CLVS1: variants seen among roughly 807,000 people sequenced by gnomAD.
CLVS1 encodes the protein clavesin-1.
In CLVS1, 10 loss-of-function variants were observed where a neutral mutation model predicts 33.1. The observed-to-expected ratio is 0.30, with a 90% CI of 0.19 to 0.51. CLVS1 has a LOEUF of 0.51. Ranked by LOEUF, CLVS1 falls within the 20% of genes least tolerant of loss-of-function variation. The pLI is 0.97. For synonymous variants in CLVS1, 163 were observed against 166.1 expected (o/e 0.98, Z 0.14); for missense variants, 343 against 433.4 (o/e 0.79, Z 1.85).
intron 2 of CLVS1, among the ~76,000 whole-genome samples, chr8:61,306,212 C>T (rs749989946): frequency 3.9e-5 from 6 of 152,058 alleles, no homozygotes; most frequent in Non-Finnish European, 8.8e-5. Flanking sequence ...TATTTTTTGA[C>T]TTTAATAATA....
At chr8:61,080,131 G>T (rs1173347590) in intron 1 of CLVS1, among the ~76,000 whole-genome samples, 2 of 152,140 alleles carry the variant, frequency 1.3e-5, no homozygotes, top group Non-Finnish European at 2.9e-5. Flanking sequence ...TCTATTAACA[G>T]TAAGGACTTA....
intron 2 of CLVS1, among the ~76,000 whole-genome samples, chr8:61,277,702 T>A (rs1199138028): frequency 6.6e-6 from 1 of 152,172 alleles, no homozygotes; most frequent in East Asian, 1.9e-4. Flanking sequence ...AAGTCTCAAG[T>A]AAACTCATCC....
the CLVS1 span, among the ~76,000 whole-genome samples, chr8:61,021,263 G>T: frequency 1.3e-5 from 2 of 152,212 alleles, no homozygotes; most frequent in Non-Finnish European, 2.9e-5. Context: ...ATTCGGTGGG[G>T]TTTTCTCCTT....
At chr8:61,459,069 G>A (rs1817265735) in intron 5 of CLVS1, among the ~76,000 whole-genome samples, 1 of 152,142 alleles carries the variant, frequency 6.6e-6, no homozygotes, top group African/African-American at 2.4e-5. Flanking sequence ...CTGAGCTCTG[G>A]AGACCAGCAA....
At chr8:61,078,100 A>G (rs1279167723) in intron 1 of CLVS1, among the ~76,000 whole-genome samples, 1 of 152,176 alleles carries the variant, frequency 6.6e-6, no homozygotes, top group African/African-American at 2.4e-5. Context: ...TCCCTGGGTC[A>G]GGATCCGAGG....
chr8:61,362,980 C>A (rs1022767000), intron 2 of CLVS1, among the ~76,000 whole-genome samples: 3 of 152,172 alleles, frequency 2.0e-5, no homozygotes, highest in Non-Finnish European at 4.4e-5. Flanking sequence ...ACTAGGAAAG[C>A]GCTCCTTGTA....
intron 1 of CLVS1, among the ~76,000 whole-genome samples, chr8:61,073,586 C>A (rs1036506144): frequency 3.9e-5 from 6 of 151,998 alleles, no homozygotes; most frequent in Non-Finnish European, 5.9e-5. Flanking sequence ...TGGGCAGTAC[C>A]ATTTGCTTTG....
intron 2 of CLVS1, among the ~76,000 whole-genome samples, chr8:61,197,244 A>G (rs968471708): frequency 1.3e-5 from 2 of 152,100 alleles, no homozygotes; most frequent in Non-Finnish European, 1.5e-5. Context: ...CTGCATATTG[A>G]TATTCAGTTT....
intron 5 of CLVS1, among the ~76,000 whole-genome samples, chr8:61,466,732 C>G (rs1353611986): frequency 6.6e-6 from 1 of 152,170 alleles, no homozygotes; most frequent in Admixed American, 6.5e-5. Context: ...ACTGCAACCT[C>G]CACCTCCCGG....
At chr8:61,266,774 A>T (rs1486973120) in intron 2 of CLVS1, among the ~76,000 whole-genome samples, 1 of 151,990 alleles carries the variant, frequency 6.6e-6, no homozygotes, top group Non-Finnish European at 1.5e-5. Context: ...ATAAATCCAG[A>T]TTTGTTTTTT....
intron 2 of CLVS1, among the ~76,000 whole-genome samples, chr8:61,219,708 C>T (rs1200468528): frequency 6.6e-6 from 1 of 152,150 alleles, no homozygotes; most frequent in East Asian, 1.9e-4. Flanking sequence ...GTTCTAGATC[C>T]TTGAGGAATT....
chr8:61,100,661 T>C (rs1464365147), intron 1 of CLVS1, among the ~76,000 whole-genome samples: 29 of 152,206 alleles, frequency 1.9e-4, no homozygotes, highest in Non-Finnish European at 2.9e-5. Flanking sequence ...CAATCAACTT[T>C]AGAACATTTT....
chr8:61,481,470 G>A lies in CLVS1; in HGVS notation c.978-17985G>A, dbSNP rs529519859. Among the ~76,000 whole-genome samples, 89 of 152,268 alleles carry A rather than the reference G, an allele frequency of 5.8e-4. 1 individual carries two copies. In the Middle Eastern group the frequency reaches 0.027, roughly 47 times the overall value. On this transcript the variant is annotated intron_variant, in intron 5 of 5. Coordinates refer to ENST00000325897, the MANE Select transcript of CLVS1 (RefSeq NM_173519.3). ...CAGCAAAGGGAAGACGTGACAGATC[G>A]TACCTGGAAAATCTGGAAACTCCTA... is the stretch of plus-strand genomic sequence containing the variant.
intron 2 of CLVS1, among the ~76,000 whole-genome samples, chr8:61,268,150 G>A (rs985060899): frequency 2.7e-5 from 4 of 150,282 alleles, no homozygotes; most frequent in Non-Finnish European, 4.4e-5. Flanking sequence ...ATATCTCCCA[G>A]TGCTATCCCA....
At chr8:61,256,837 G>A (rs1392853898) in intron 2 of CLVS1, among the ~76,000 whole-genome samples, 3 of 152,192 alleles carry the variant, frequency 2.0e-5, no homozygotes, top group African/African-American at 7.2e-5. Flanking sequence ...AATCACTAGA[G>A]CCTTGCCATG....
At chr8:60,996,499 A>G in the CLVS1 span, among the ~76,000 whole-genome samples, 1 of 152,262 alleles carries the variant, frequency 6.6e-6, no homozygotes, top group East Asian at 1.9e-4. Flanking sequence ...GGTTCCAGAT[A>G]TAAGAAAAGT....
intron 1 of CLVS1, among the ~76,000 whole-genome samples, chr8:61,094,156 T>A (rs1805305531): frequency 6.6e-6 from 1 of 152,198 alleles, no homozygotes; most frequent in Non-Finnish European, 1.5e-5. Flanking sequence ...GTGAATGGAC[T>A]CTCTTCTGCT....
upstream of CLVS1, among the ~76,000 whole-genome samples, chr8:61,285,739 C>A (rs1256269597): frequency 1.3e-5 from 2 of 152,140 alleles, no homozygotes; most frequent in Admixed American, 6.5e-5. Flanking sequence ...CGTGAGGGTG[C>A]ACTGAAGTTG....
intron 2 of CLVS1, among the ~76,000 whole-genome samples, chr8:61,259,179 A>G (rs1292703496): frequency 1.3e-5 from 2 of 152,250 alleles, no homozygotes; most frequent in Non-Finnish European, 2.9e-5. Context: ...CATCTAAAAA[A>G]TGAAATACAA....
Sources: gnomAD v4.1 joint callset for allele counts (sites outside exome capture counted in the v4.1 genomes callset) on GRCh38, gnomAD v4.1.1 for gene constraint, MANE v1.5 for transcripts, NCBI Gene and HGNC (gene_info 2026-07-23, HGNC 2026-07-21) for gene names.